The following EDARADD variants were observed in gnomAD, a reference collection of about 807,000 sequenced individuals.
EDARADD encodes the protein EDAR associated via death domain.
EDARADD carries 20 observed loss-of-function variants against 25.6 expected under a neutral mutation model. The observed-to-expected ratio is 0.78, with a 90% CI of 0.55 to 1.14. EDARADD has a LOEUF of 1.14. Among genes scored for constraint, EDARADD ranks in the 50% most tolerant of loss-of-function variants. EDARADD has a pLI of 0.00. For missense variants in EDARADD, 225 were observed against 270.1 expected (o/e 0.83, Z 1.17); for synonymous variants, 86 against 94.4 (o/e 0.91, Z 0.52).
intron 5 of EDARADD, 34 bp from the exon 6 acceptor site, chr1:236,482,233 G>T (rs771250194): frequency 1.2e-6 from 2 of 1,613,880 alleles, no homozygotes; most frequent in South Asian, 1.1e-5. Context: ...TAGGCCTCTT[G>T]TTGACCTGTG....
chr1:236,444,781 G>A (rs975073259), intron 4 of EDARADD, among the ~76,000 whole-genome samples: 4 of 152,284 alleles, frequency 2.6e-5, no homozygotes, highest in African/African-American at 9.6e-5. Flanking sequence ...GATATGGGCA[G>A]TGCACTCTAA....
Position 236,395,451 on chromosome 1 carries a change from CGAA to C in EDARADD, c.61+948_61+950del, listed in dbSNP as rs933797998. ...GCAGGAAGTGAGCTCGTGGAAGAAG[CGAA>C]GGAGGAGAAGAAGAAGGGAGGGGAA... On this transcript the variant is annotated intron_variant, in intron 1 of 5. Coordinates refer to ENST00000334232, the MANE Select transcript of EDARADD (RefSeq NM_145861.4). This position sits in a 1 kb window ranked among gnomAD's most constrained non-coding sequence, Gnocchi z 6.9. The C allele has an allele frequency of 5.5e-5, 82 of 1,479,718 alleles. No homozygotes were observed. The highest frequency in any genetic ancestry group is 6.4e-5 in the Non-Finnish European group (72 of 1,117,776). 91.7% of individuals were successfully genotyped at this position (1,479,718 alleles called of 1,614,324 possible).
intron 3 of EDARADD, among the ~76,000 whole-genome samples, chr1:236,380,493 C>T (rs1256648439): frequency 6.6e-6 from 1 of 152,122 alleles, no homozygotes; most frequent in Non-Finnish European, 1.5e-5. Context: ...AAGGTCAAGA[C>T]TTATTTTGCT....
rs546038146 is a variant in EDARADD at position 236,476,807 on chromosome 1, G to A, written c.266-5460G>A. 9.2e-5 allele frequency among the ~76,000 whole-genome samples: 14 copies of A among 152,180 alleles called. No homozygotes were observed. The East Asian group carries it at 2.3e-3, about 25-fold the overall frequency. ...CCCAAAGTACTGGGATTACAGGCGT[G>A]AGCCACCTTGCCCAGCCTACAAAAA... is the stretch of plus-strand genomic sequence containing the variant. On this transcript the variant is annotated intron_variant, in intron 5 of 5. Coordinates refer to ENST00000334232, the MANE Select transcript of EDARADD (RefSeq NM_145861.4).
intron 3 of EDARADD, among the ~76,000 whole-genome samples, chr1:236,367,084 CA>C (rs753983803): frequency 1.1e-3 from 71 of 61,924 alleles, no homozygotes; most frequent in East Asian, 1.9e-3. Flanking sequence ...ACTCCATCGC[CA>C]AAAAAAAAAA....
At chr1:236,455,792 C>T (rs1658842221) in intron 4 of EDARADD, among the ~76,000 whole-genome samples, 1 of 141,222 alleles carries the variant, frequency 7.1e-6, no homozygotes, top group Non-Finnish European at 1.5e-5. Context: ...ATAGAAATCG[C>T]CTGTTCTTTT....
intron 1 of EDARADD, among the ~76,000 whole-genome samples, chr1:236,404,661 G>C (rs1210953135): frequency 3.3e-5 from 5 of 152,162 alleles, no homozygotes; most frequent in African/African-American, 1.2e-4. Context: ...ACATTAGCTG[G>C]GCATGGTGAC....
intron 4 of EDARADD, among the ~76,000 whole-genome samples, chr1:236,433,390 C>A (rs1303507884): frequency 6.6e-6 from 1 of 151,896 alleles, no homozygotes; most frequent in African/African-American, 2.4e-5. Flanking sequence ...GAAACAGAAA[C>A]CCTGTCTCTA....
intron 4 of EDARADD, among the ~76,000 whole-genome samples, chr1:236,441,686 C>T (rs762112006): frequency 7.3e-5 from 11 of 151,672 alleles, no homozygotes; most frequent in Non-Finnish European, 1.6e-4. Flanking sequence ...CCGCCCACCA[C>T]ACGTGGCTAA....
At chr1:236,363,529 C>T (rs940231330) in intron 3 of EDARADD, among the ~76,000 whole-genome samples, 2 of 151,422 alleles carry the variant, frequency 1.3e-5, no homozygotes, top group Admixed American at 1.3e-4. Flanking sequence ...CCAGCCTGGA[C>T]AACATAGCAA....
At chr1:236,438,008 C>T (rs1326107319) in intron 4 of EDARADD, among the ~76,000 whole-genome samples, 1 of 152,130 alleles carries the variant, frequency 6.6e-6, no homozygotes, top group Non-Finnish European at 1.5e-5. Context: ...TTGCGCCCTG[C>T]CCAGGGTCGG....
chr1:236,471,479 A>G (rs1484872918), intron 5 of EDARADD, among the ~76,000 whole-genome samples: 2 of 152,084 alleles, frequency 1.3e-5, no homozygotes, highest in African/African-American at 2.4e-5. Context: ...ACAGAAAAAA[A>G]AAAAAGCATG....
chr1:236,438,761 A>T (rs995818878), intron 4 of EDARADD, among the ~76,000 whole-genome samples: 2 of 151,818 alleles, frequency 1.3e-5, no homozygotes, highest in African/African-American at 4.8e-5. Flanking sequence ...CCCTGCCCCC[A>T]CTCATGCACA....
intron 4 of EDARADD, among the ~76,000 whole-genome samples, chr1:236,464,573 C>T (rs1170136890): frequency 1.3e-5 from 2 of 151,800 alleles, no homozygotes; most frequent in Non-Finnish European, 1.5e-5. Context: ...GCTAGGAACA[C>T]AGGCGCTCAC....
At position 236,359,136 on chromosome 1, in the gene EDARADD, C is replaced by A. The variant is rs559232150; in HGVS notation, c.-6+8297C>A. On this transcript the variant is annotated intron_variant, in intron 3 of 7. Coordinates refer to the EDARADD transcript ENST00000439430. Reference sequence around the variant, plus strand: ...TCAAATTCTCCACATCTTTTTGGAACCTTTTTGTCCTACTAGGATCCCTTT... The same window carrying A: ...TCAAATTCTCCACATCTTTTTGGAAACTTTTTGTCCTACTAGGATCCCTTT... Among the ~76,000 whole-genome samples, 11 of 152,274 alleles carry A rather than the reference C, an allele frequency of 7.2e-5. No homozygotes were observed. The South Asian group carries it at 1.7e-3, about 23-fold the overall frequency.
chr1:236,403,870 C>T, intron 1 of EDARADD, among the ~76,000 whole-genome samples: 1 of 152,270 alleles, frequency 6.6e-6, no homozygotes, highest in East Asian at 1.9e-4. Context: ...TTTTGAGGAA[C>T]TTTCCAGAAT....
chr1:236,356,599 T>C (rs1666978273), intron 3 of EDARADD, among the ~76,000 whole-genome samples: 1 of 152,110 alleles, frequency 6.6e-6, no homozygotes, highest in South Asian at 2.1e-4. Flanking sequence ...TTAAAAACAA[T>C]GGTGGGTAAA....
chr1:236,414,096 C>T (rs530590064), intron 2 of EDARADD, among the ~76,000 whole-genome samples, 164 bp from the exon 3 acceptor site: 11 of 152,316 alleles, frequency 7.2e-5, no homozygotes, highest in African/African-American at 2.6e-4. Context: ...TTCCTGTCGA[C>T]TGAGAATAAA....
chr1:236,406,765 G>A (rs893956385), intron 1 of EDARADD, among the ~76,000 whole-genome samples: 1 of 152,134 alleles, frequency 6.6e-6, no homozygotes, highest in Non-Finnish European at 1.5e-5. Flanking sequence ...CATCCTTCCA[G>A]ACTCAGCCCT....
Sources: allele counts gnomAD v4.1 joint callset (sites outside exome capture counted in the v4.1 genomes callset), GRCh38; gene constraint gnomAD v4.1.1; non-coding constraint Gnocchi (gnomAD v3.1); transcripts MANE v1.5; gene names NCBI Gene and HGNC (gene_info 2026-07-23, HGNC 2026-07-21).